The following CCDC14 variants were observed in gnomAD, a reference collection of about 807,000 sequenced individuals.
CCDC14 encodes coiled-coil domain-containing protein 14.
In CCDC14, 71 loss-of-function variants were observed where a neutral mutation model predicts 81.4. That is an observed-to-expected ratio of 0.87 (90% CI 0.72 to 1.06). The LOEUF (loss-of-function observed/expected upper bound fraction) is 1.06. Among genes scored for constraint, CCDC14 ranks in the 50% least tolerant of loss-of-function variants. The pLI is 0.00. For synonymous variants in CCDC14, 332 were observed against 364.8 expected, an observed-to-expected ratio of 0.91 and a Z score of 1.03; for missense variants, 1,046 against 1,047.3, an observed-to-expected ratio of 1.00 and a Z score of 0.02.
intron 1 of CCDC14, among the ~76,000 whole-genome samples, chr3:123,959,677 T>TG (rs1382260757): frequency 6.6e-6 from 1 of 152,194 alleles, no homozygotes; most frequent in Non-Finnish European, 1.5e-5. Context: ...GCCCTGGAGT[T>TG]GGTCATTTCT....
At chr3:123,959,142 CT>C (rs2037519487) in intron 1 of CCDC14, among the ~76,000 whole-genome samples, 2 of 152,276 alleles carry the variant, frequency 1.3e-5, no homozygotes, top group South Asian at 2.1e-4. Flanking sequence ...GATTTCAATT[CT>C]TTTGGATAAA....
chr3:123,931,978 T>C (rs1213034880), intron 10 of CCDC14, among the ~76,000 whole-genome samples: 1 of 152,164 alleles, frequency 6.6e-6, no homozygotes, highest in Non-Finnish European at 1.5e-5. Flanking sequence ...CTATACACAA[T>C]TTCTAACTTT....
rs202244908 is a variant in CCDC14, at chr3:123,948,848, T to C, written c.589+48A>G. ...TACTTTTTATACAGTAACCAAGCAA[T>C]TTAATTAGAACTTACACTCACGATT... On this transcript the variant is annotated intron_variant, in intron 6 of 12. Transcript: ENST00000409697. 25 of 1,586,978 alleles carry C rather than the reference T, an allele frequency of 1.6e-5. No homozygotes were observed. In the East Asian group the frequency reaches 5.4e-4, roughly 34 times the overall value.
At chr3:123,931,263 A>C in intron 11 of CCDC14, 29 bp from the exon 12 acceptor site, 1 of 1,587,992 alleles carries the variant, frequency 6.3e-7, no homozygotes, top group South Asian at 1.2e-5. Flanking sequence ...CAGTTTCCTT[A>C]TTCCTTTTAA....
At chr3:123,898,541 G>C (rs1252932279) in intron 5 of CCDC14, among the ~76,000 whole-genome samples, 1 of 152,180 alleles carries the variant, frequency 6.6e-6, no homozygotes, top group Non-Finnish European at 1.5e-5. Flanking sequence ...CATGATGAGT[G>C]GCAGCTGGAG....
chr3:123,945,665 G>T (rs946051933), intron 8 of CCDC14, among the ~76,000 whole-genome samples: 1 of 152,030 alleles, frequency 6.6e-6, no homozygotes, highest in Non-Finnish European at 1.5e-5. Flanking sequence ...TTTACTACGG[G>T]CTGAAAGTAC....
chr3:123,898,068 T>C (rs1434337283), intron 5 of CCDC14, among the ~76,000 whole-genome samples: 2 of 152,210 alleles, frequency 1.3e-5, no homozygotes, highest in Admixed American at 1.3e-4. Context: ...AGAGGATAAG[T>C]AGTGCATTTC....
intron 7 of CCDC14, 150 bp from the exon 8 acceptor site, chr3:123,947,469 AT>A: frequency 1.7e-6 from 1 of 605,398 alleles, no homozygotes; most frequent in Admixed American, 3.3e-5. Flanking sequence ...TTACCACTAT[AT>A]TTTGAGGATA....
intron 12 of CCDC14, among the ~76,000 whole-genome samples, chr3:123,920,456 G>A (rs1455689715): frequency 2.0e-5 from 3 of 152,116 alleles, no homozygotes; most frequent in Non-Finnish European, 4.4e-5. Context: ...CACCATAACT[G>A]AACTGTTAAA....
intron 5 of CCDC14, 62 bp from the exon 6 acceptor site, chr3:123,949,194 T>G: frequency 9.5e-7 from 1 of 1,056,918 alleles, no homozygotes; most frequent in Non-Finnish European, 1.4e-6. Flanking sequence ...TACCGTAAGA[T>G]TTTAAGAGAA....
In CCDC14 at chr3:123,947,317, T is replaced by A; in HGVS notation, c.687A>T (p.Glu229Asp). 1 of 1,600,412 alleles carries A rather than the reference T, an allele frequency of 6.2e-7. No individual in the cohort carries two copies. Among genetic ancestry groups the A allele is most frequent in the Non-Finnish European group, 8.5e-7 (1 of 1,172,570 alleles). ...ACTGACTGTTGCCATCAGTTTGAAC[T>A]TCCTAAAGAAAGATAAAAACAAGTC... Reference protein sequence around the residue: ...RPPCPPKVHSEVQTDGNSQFA... With the variant: ...RPPCPPKVHSDVQTDGNSQFA... Residue 229 changes from glutamate (E) to aspartate (D), a missense_variant and splice_region_variant, in exon 8 of 13, where the codon GAA becomes GAT. Glu to Asp is a conservative substitution (Grantham distance 45). Coordinates refer to ENST00000409697, the MANE Select transcript of CCDC14 (RefSeq NM_001366335.1).
intron 1 of CCDC14, among the ~76,000 whole-genome samples, chr3:123,959,270 G>A (rs2037526984): frequency 6.6e-6 from 1 of 152,102 alleles, no homozygotes; most frequent in African/African-American, 2.4e-5. Flanking sequence ...GTGTACAAGG[G>A]TTCCAATTCT....
chr3:123,886,150 TTTCTCTC>T, the CCDC14 span, among the ~76,000 whole-genome samples: 2 of 150,858 alleles, frequency 1.3e-5, no homozygotes, highest in Admixed American at 6.6e-5. Flanking sequence ...TCTTTTTTTT[TTTCTCTC>T]TCTCTCTCTC....
chr3:123,924,867 T>A (rs1173718551), intron 12 of CCDC14, among the ~76,000 whole-genome samples: 1 of 151,608 alleles, frequency 6.6e-6, no homozygotes, highest in Non-Finnish European at 1.5e-5. Context: ...AATGTATAAA[T>A]AGAACTACCA....
At chr3:123,921,382 T>C (rs1025945076) in intron 12 of CCDC14, among the ~76,000 whole-genome samples, 6 of 152,164 alleles carry the variant, frequency 3.9e-5, no homozygotes, top group Non-Finnish European at 5.9e-5. Context: ...GGGGTAGCTA[T>C]ACTCATATCA....
intron 9 of CCDC14, among the ~76,000 whole-genome samples, chr3:123,934,855 A>T (rs2035970576): frequency 6.6e-6 from 1 of 152,214 alleles, no homozygotes; most frequent in African/African-American, 2.4e-5. Context: ...GATTAAAGTG[A>T]TAAAATATGT....
At position 123,897,540 on chromosome 3, in the gene CCDC14, T is replaced by TC. The variant is rs1363797850; in HGVS notation, c.740dup (p.Lys248GlufsTer?). ...TCCTTGTTCAGAGCAGTTCTGCTTT[T>TC]CCGTAGTTCATGTACTGTATTGGGC... On this transcript the variant is annotated frameshift_variant, in exon 6 of 6. Coordinates refer to the CCDC14 transcript ENST00000479903. LOFTEE classifies it high-confidence loss of function. The TC allele has an allele frequency of 3.0e-6, 3 of 995,534 alleles. No homozygotes were observed. Among genetic ancestry groups the TC allele is most frequent in the Non-Finnish European group, 4.0e-6 (3 of 744,774 alleles). The allele number at this position is 995,534 out of a possible 1,614,324, so 61.7% of individuals were successfully genotyped here.
intron 5 of CCDC14, among the ~76,000 whole-genome samples, chr3:123,951,195 G>A (rs1276978751): frequency 6.6e-6 from 1 of 152,156 alleles, no homozygotes; most frequent in Non-Finnish European, 1.5e-5. Context: ...ATTGAGAGAT[G>A]TAAATGACGT....
At position 123,956,767 on chromosome 3, in the gene CCDC14, G is replaced by A; in HGVS notation, c.59C>T (p.Pro20Leu). The A allele has an allele frequency of 6.5e-7, 1 of 1,546,470 alleles. No homozygotes were observed. The highest frequency in any genetic ancestry group is 8.7e-7 in the Non-Finnish European group (1 of 1,143,234). Residue 20 changes from proline to leucine, a missense_variant, in exon 2 of 13, where the codon CCT becomes CTT. Pro to Leu is a moderately conservative substitution (Grantham distance 98). Transcript: ENST00000409697. ...QVLSSGRHTG[P>L]AKLTNGKKAT... ...TTTCTTTCCATTTGTTAATTTAGCA[G>A]GTCCAGTGTGCCTTCCTGAAGATAA...
Sources: allele counts gnomAD v4.1 joint callset (sites outside exome capture counted in the v4.1 genomes callset), GRCh38; gene constraint gnomAD v4.1.1; transcripts MANE v1.5; gene names NCBI Gene and HGNC (gene_info 2026-07-23, HGNC 2026-07-21).